The following CREB5 variants were observed in gnomAD, a reference collection of about 807,000 sequenced individuals.
CREB5 encodes the protein cAMP responsive element binding protein 5, also known as cyclic AMP-responsive element-binding protein 5.
CREB5 carries 19 observed loss-of-function variants against 57.1 expected under a neutral mutation model. The ratio of observed to expected loss-of-function variants is 0.33; its 90% confidence interval spans 0.23 to 0.49. The LOEUF (loss-of-function observed/expected upper bound fraction) is 0.49. Among genes scored for constraint, CREB5 ranks in the 20% least tolerant of loss-of-function variants. The pLI is 0.99. For missense variants in CREB5, 579 were observed against 671.6 expected, an observed-to-expected ratio of 0.86 and a Z score of 1.52; for synonymous variants, 238 against 238.3, an observed-to-expected ratio of 1.00 and a Z score of 0.01.
intron 1 of CREB5, among the ~76,000 whole-genome samples, chr7:28,344,707 A>G (rs1786005582): frequency 6.6e-6 from 1 of 152,144 alleles, no homozygotes; most frequent in African/African-American, 2.4e-5. Flanking sequence ...TAAAGACAGA[A>G]TGGCTAAGTG....
intron 7 of CREB5, among the ~76,000 whole-genome samples, chr7:28,790,466 G>GAGAT (rs1562643077): frequency 5.9e-5 from 8 of 136,716 alleles, no homozygotes; most frequent in African/African-American, 2.2e-4. Context: ...GAGAGATAGA[G>GAGAT]AGAGAGAGAA....
At chr7:28,630,901 T>C (rs1016478093) in intron 5 of CREB5, among the ~76,000 whole-genome samples, 1 of 152,198 alleles carries the variant, frequency 6.6e-6, no homozygotes, top group Admixed American at 6.5e-5. Flanking sequence ...AGAGTATGTA[T>C]GGTACAGAAC....
At chr7:28,524,316 A>AACACACACACACACAC (rs4000595) in intron 4 of CREB5, among the ~76,000 whole-genome samples, 22 of 136,642 alleles carry the variant, frequency 1.6e-4, no homozygotes, top group East Asian at 4.5e-4. Context: ...GCCTCTACTA[A>AACACACACACACACAC]ACACACACAC....
At chr7:28,551,932 CT>C (rs1390619307) in intron 4 of CREB5, among the ~76,000 whole-genome samples, 1 of 111,204 alleles carries the variant, frequency 9.0e-6, no homozygotes, top group East Asian at 2.4e-4. Flanking sequence ...TTCTTTCTTT[CT>C]TTTTTCTCTC....
At chr7:28,549,483 A>G (rs1794539297) in intron 4 of CREB5, among the ~76,000 whole-genome samples, 1 of 152,216 alleles carries the variant, frequency 6.6e-6, no homozygotes, top group Admixed American at 6.5e-5. Flanking sequence ...AATTTCTCCT[A>G]GGGATCGCAT....
At chr7:28,602,301 A>G (rs1796949008) in intron 5 of CREB5, among the ~76,000 whole-genome samples, 1 of 152,014 alleles carries the variant, frequency 6.6e-6, no homozygotes, top group South Asian at 2.1e-4. Context: ...TAATTTTTGT[A>G]CTTATAGTAG....
chr7:28,522,976 G>A (rs1434698516), intron 4 of CREB5, among the ~76,000 whole-genome samples: 6 of 152,308 alleles, frequency 3.9e-5, no homozygotes, highest in Middle Eastern at 3.4e-3. Flanking sequence ...ACATCCACTC[G>A]CTGTGAGGTG....
At chr7:28,396,639 A>G (rs576514721) in intron 1 of CREB5, among the ~76,000 whole-genome samples, 1 of 152,300 alleles carries the variant, frequency 6.6e-6, no homozygotes, top group South Asian at 2.1e-4. Flanking sequence ...TGCACAGGAA[A>G]TATATTTTTT....
chr7:28,542,813 C>A (rs1421258050), intron 4 of CREB5, among the ~76,000 whole-genome samples: 1 of 152,074 alleles, frequency 6.6e-6, no homozygotes, highest in Non-Finnish European at 1.5e-5. Context: ...GGAATTACAG[C>A]CTTAATTTAC....
At chr7:28,778,945 T>C (rs1806816549) in intron 7 of CREB5, 1 of 152,240 alleles carries the variant, frequency 6.6e-6, no homozygotes, top group African/African-American at 2.4e-5. Context: ...GTTTTTATAG[T>C]TGTTGTGAAA....
chr7:28,345,917 G>A (rs530748875), intron 1 of CREB5, among the ~76,000 whole-genome samples: 2 of 152,282 alleles, frequency 1.3e-5, no homozygotes, highest in South Asian at 2.1e-4. Flanking sequence ...CAAGAGACAG[G>A]CAACTTTAGT....
intron 5 of CREB5, among the ~76,000 whole-genome samples, chr7:28,658,990 A>AT (rs1562554757): frequency 1.5e-5 from 1 of 65,194 alleles, no homozygotes; most frequent in Non-Finnish European, 3.5e-5. Context: ...TGTATATATA[A>AT]GTCATAATTT....
At chr7:28,550,202 C>A (rs1323054872) in intron 4 of CREB5, among the ~76,000 whole-genome samples, 2 of 151,750 alleles carry the variant, frequency 1.3e-5, no homozygotes, top group Non-Finnish European at 2.9e-5. Flanking sequence ...TGTTCTTTTC[C>A]TCCTCTTCCT....
rs1303889908 is a variant in CREB5, at chr7:28,609,412, C to T, written c.464+38875C>T. 5.3e-5 allele frequency among the ~76,000 whole-genome samples: 8 copies of T among 152,106 alleles called. No homozygotes were observed. In the South Asian group the frequency reaches 1.4e-3, roughly 28 times the overall value. ...TACTAATGTTACATTTAACAAATGC[C>T]TGTTAAGAATAATATTTGTTAAGTG... is the stretch of plus-strand genomic sequence containing the variant. On this transcript the variant is annotated intron_variant, in intron 5 of 10. Coordinates refer to ENST00000357727, the MANE Select transcript of CREB5 (RefSeq NM_182898.4).
At chr7:28,688,385 T>C (rs1480771042) in intron 5 of CREB5, among the ~76,000 whole-genome samples, 3 of 152,140 alleles carry the variant, frequency 2.0e-5, no homozygotes, top group East Asian at 3.8e-4. Flanking sequence ...ACACAGACCC[T>C]TGTGCTTCAG....
chr7:28,612,543 G>GGTGTGTGT lies in CREB5; in HGVS notation c.464+42045_464+42052dup, dbSNP rs59074697. The stretch of plus-strand genomic sequence containing the variant: ...TGTATTCCTGGCCATTTAGAGAAGG[G>GGTGTGTGT]GTGTGTGTGTGTGTGTGTGTGTGTG... On this transcript the variant is annotated intron_variant, in intron 5 of 10. Coordinates refer to ENST00000357727, the MANE Select transcript of CREB5 (RefSeq NM_182898.4). 3.9e-3 allele frequency among the ~76,000 whole-genome samples: 530 copies of GGTGTGTGT among 137,372 alleles called. 4 individuals are homozygous for GGTGTGTGT. The highest frequency in any genetic ancestry group is 0.011 in the East Asian group (49 of 4,576). 90.1% of individuals were successfully genotyped at this position (137,372 alleles called of 152,430 possible).
intron 5 of CREB5, among the ~76,000 whole-genome samples, chr7:28,633,482 A>G (rs1193425521): frequency 6.6e-6 from 1 of 152,178 alleles, no homozygotes; most frequent in African/African-American, 2.4e-5. Flanking sequence ...GCTTCTGCCT[A>G]TATCTCATTC....
At chr7:28,533,873 G>C (rs1793842823) in intron 4 of CREB5, among the ~76,000 whole-genome samples, 1 of 149,854 alleles carries the variant, frequency 6.7e-6, no homozygotes, top group Non-Finnish European at 1.5e-5. Context: ...ACATAGGCTG[G>C]CTTAACATCT....
At chr7:28,691,159 C>G (rs539970587) in intron 5 of CREB5, among the ~76,000 whole-genome samples, 1 of 152,236 alleles carries the variant, frequency 6.6e-6, no homozygotes, top group South Asian at 2.1e-4. Flanking sequence ...GTGACTTGTG[C>G]CTGTAATCCC....
Sources: gnomAD v4.1 joint callset for allele counts (sites outside exome capture counted in the v4.1 genomes callset) on GRCh38, gnomAD v4.1.1 for gene constraint, MANE v1.5 for transcripts, NCBI Gene and HGNC (gene_info 2026-07-23, HGNC 2026-07-21) for gene names.